Variants in ADAMTSL1 observed in about 807,000 individuals in gnomAD.
The protein encoded by ADAMTSL1 is ADAMTS like 1.
ADAMTSL1 carries 126 observed loss-of-function variants against 201.8 expected under a neutral mutation model. The ratio of observed to expected loss-of-function variants is 0.62; its 90% CI spans 0.54 to 0.72. The LOEUF is 0.72. ADAMTSL1 is among the 30% of genes least tolerant of loss of function. The pLI is 0.00. For missense variants in ADAMTSL1, 2,679 were observed against 2,277.8 expected (o/e 1.18, Z -3.59); for synonymous variants, 1,121 against 903.4 (o/e 1.24, Z -4.32).
intron 2 of ADAMTSL1, among the ~76,000 whole-genome samples, chr9:18,294,808 G>A (rs1241995752): frequency 6.6e-6 from 1 of 152,150 alleles, no homozygotes; most frequent in Non-Finnish European, 1.5e-5. Context: ...ACTGTTGGAG[G>A]AAACTGACTG....
chr9:18,387,859 C>T (rs985112735), intron 2 of ADAMTSL1, among the ~76,000 whole-genome samples: 20 of 151,980 alleles, frequency 1.3e-4, no homozygotes, highest in Admixed American at 1.1e-3. Flanking sequence ...ATCTATCTAT[C>T]GAATGACATG....
intron 5 of ADAMTSL1, among the ~76,000 whole-genome samples, chr9:18,625,318 G>A (rs1826294698): frequency 1.3e-5 from 2 of 150,874 alleles, no homozygotes; most frequent in Admixed American, 1.3e-4. Flanking sequence ...GAGGAACAAA[G>A]CAAAAACAGG....
At chr9:18,697,022 G>C (rs1262615580) in intron 13 of ADAMTSL1, among the ~76,000 whole-genome samples, 3 of 151,542 alleles carry the variant, frequency 2.0e-5, no homozygotes, top group African/African-American at 4.8e-5. Context: ...TGGGATTACA[G>C]GTGTGTGCCG....
At chr9:18,726,389 T>C (rs1218100972) in intron 15 of ADAMTSL1, among the ~76,000 whole-genome samples, 10 of 150,978 alleles carry the variant, frequency 6.6e-5, no homozygotes. Context: ...GGGGTGCCTG[T>C]AGTCATAGCT....
At chr9:18,498,657 T>C (rs945048052) in intron 1 of ADAMTSL1, among the ~76,000 whole-genome samples, 2 of 152,104 alleles carry the variant, frequency 1.3e-5, no homozygotes, top group African/African-American at 4.8e-5. Flanking sequence ...ATGAAGAAAC[T>C]CTGGCTTAAC....
At chr9:18,283,110 T>G (rs572661698) in intron 2 of ADAMTSL1, among the ~76,000 whole-genome samples, 1 of 152,194 alleles carries the variant, frequency 6.6e-6, no homozygotes, top group South Asian at 2.1e-4. Flanking sequence ...TTTGCTTCAT[T>G]TGTTTGGTTG....
At chr9:18,368,195 G>A (rs953077783) in intron 2 of ADAMTSL1, among the ~76,000 whole-genome samples, 7 of 152,042 alleles carry the variant, frequency 4.6e-5, no homozygotes, top group Admixed American at 3.3e-4. Flanking sequence ...GATTACAGGC[G>A]TGAGCCACCG....
chr9:18,449,134 G>A (rs916826258), intron 2 of ADAMTSL1, among the ~76,000 whole-genome samples: 1 of 151,806 alleles, frequency 6.6e-6, no homozygotes, highest in Non-Finnish European at 1.5e-5. Flanking sequence ...TATATAAAAA[G>A]CATGAGTTGG....
intron 1 of ADAMTSL1, among the ~76,000 whole-genome samples, chr9:18,111,673 T>C (rs529136008): frequency 1.3e-5 from 2 of 152,320 alleles, no homozygotes; most frequent in African/African-American, 4.8e-5. Flanking sequence ...ACATCTTTTC[T>C]CAACAGACAG....
chr9:18,731,995 C>G (rs149850551), intron 15 of ADAMTSL1, among the ~76,000 whole-genome samples: 1 of 152,080 alleles, frequency 6.6e-6, no homozygotes, highest in Non-Finnish European at 1.5e-5. Context: ...CAGCTGGCCA[C>G]GTTACCTCTC....
intron 15 of ADAMTSL1, among the ~76,000 whole-genome samples, chr9:18,727,409 G>A (rs1019788389): frequency 6.6e-6 from 1 of 152,202 alleles, no homozygotes; most frequent in African/African-American, 2.4e-5. Context: ...ATATCCAGGC[G>A]CCTTTGAAGA....
intron 1 of ADAMTSL1, among the ~76,000 whole-genome samples, chr9:18,133,127 A>G (rs1826018260): frequency 6.6e-6 from 1 of 152,116 alleles, no homozygotes. Context: ...TTAAGGGGCT[A>G]GGGTTCAGAC....
At chr9:18,635,819 C>T (rs979525855) in intron 5 of ADAMTSL1, 124 bp from the exon 6 acceptor site, 6 of 743,842 alleles carry the variant, frequency 8.1e-6, no homozygotes, top group Non-Finnish European at 1.3e-5. Context: ...TTGGCCTTCA[C>T]ATTTCAAACA....
intron 1 of ADAMTSL1, among the ~76,000 whole-genome samples, chr9:17,979,184 A>G (rs1259020813): frequency 1.3e-5 from 2 of 152,180 alleles, no homozygotes; most frequent in East Asian, 3.9e-4. Context: ...GACTTTCAGG[A>G]TTCATAAACC....
At chr9:18,574,889 A>G (rs537390602) in intron 4 of ADAMTSL1, among the ~76,000 whole-genome samples, 7 of 152,282 alleles carry the variant, frequency 4.6e-5, no homozygotes, top group African/African-American at 1.7e-4. Flanking sequence ...TAGTAAGGTG[A>G]AAAAGGGTTT....
intron 13 of ADAMTSL1, among the ~76,000 whole-genome samples, chr9:18,703,450 T>C (rs1330169764): frequency 6.6e-6 from 1 of 152,038 alleles, no homozygotes; most frequent in Non-Finnish European, 1.5e-5. Context: ...GACTATATTA[T>C]ATTATACACT....
intron 23 of ADAMTSL1, among the ~76,000 whole-genome samples, chr9:18,867,772 G>A (rs1426160003): frequency 6.6e-6 from 1 of 151,952 alleles, no homozygotes; most frequent in Non-Finnish European, 1.5e-5. Context: ...GACTACAGGC[G>A]CCTGCCACCA....
intron 2 of ADAMTSL1, among the ~76,000 whole-genome samples, chr9:18,251,124 T>A (rs1317720401): frequency 1.3e-5 from 2 of 152,092 alleles, no homozygotes; most frequent in African/African-American, 4.8e-5. Context: ...TAAAAATTAA[T>A]AGGTAAATGG....
intron 16 of ADAMTSL1, among the ~76,000 whole-genome samples, chr9:18,768,544 T>G (rs1169201209): frequency 2.2e-5 from 3 of 138,468 alleles, no homozygotes; most frequent in Non-Finnish European, 4.8e-5. Flanking sequence ...AATGCTTCAA[T>G]GGGTAGGTAG....
Sources: gnomAD v4.1 joint callset for allele counts (sites outside exome capture counted in the v4.1 genomes callset) on GRCh38, gnomAD v4.1.1 for gene constraint, MANE v1.5 for transcripts, NCBI Gene and HGNC (gene_info 2026-07-23, HGNC 2026-07-21) for gene names.